The following C8orf34 variants were observed in gnomAD, a reference collection of about 807,000 sequenced individuals.
The protein encoded by C8orf34 is uncharacterized protein C8orf34.
C8orf34 carries 65 observed loss-of-function variants against 68.3 expected under a neutral mutation model. The ratio of observed to expected loss-of-function variants is 0.95; its 90% CI spans 0.78 to 1.17. C8orf34 has a LOEUF of 1.17. Among genes scored for constraint, C8orf34 ranks in the 50% most tolerant of loss-of-function variants. The pLI is 0.00. For synonymous variants in C8orf34, 244 were observed against 241.2 expected (o/e 1.01, Z -0.11); for missense variants, 664 against 655.4 (o/e 1.01, Z -0.14).
chr8:68,676,140 G>T (rs1820182817), intron 8 of C8orf34, among the ~76,000 whole-genome samples: 1 of 152,044 alleles, frequency 6.6e-6, no homozygotes, highest in South Asian at 2.1e-4. Context: ...TTTAAGACCA[G>T]GTGGGCAACA....
chr8:68,637,085 C>T (rs1291493557), intron 7 of C8orf34, among the ~76,000 whole-genome samples: 1 of 152,132 alleles, frequency 6.6e-6, no homozygotes, highest in South Asian at 2.1e-4. Context: ...CCAAGTATAG[C>T]AAGAAGTATC....
At chr8:68,367,935 A>T (rs1225313052) in intron 1 of C8orf34, among the ~76,000 whole-genome samples, 10 of 134,030 alleles carry the variant, frequency 7.5e-5, no homozygotes, top group Non-Finnish European at 1.5e-4. Context: ...AAAAAAAAAA[A>T]AAGAAAAAAG....
At chr8:68,733,894 T>C (rs748749884) in intron 10 of C8orf34, among the ~76,000 whole-genome samples, 1 of 152,156 alleles carries the variant, frequency 6.6e-6, no homozygotes, top group Non-Finnish European at 1.5e-5. Context: ...AGTAAGTAAA[T>C]ATCTCTCCAC....
intron 1 of C8orf34, among the ~76,000 whole-genome samples, chr8:68,360,762 T>C (rs1015183007): frequency 2.7e-5 from 4 of 148,758 alleles, no homozygotes; most frequent in African/African-American, 1.0e-4. Context: ...CTTTCTTTTT[T>C]TTTTTTTTTT....
intron 3 of C8orf34, among the ~76,000 whole-genome samples, chr8:68,462,541 G>A (rs1027173110): frequency 7.3e-5 from 11 of 151,600 alleles, no homozygotes; most frequent in African/African-American, 2.7e-4. Flanking sequence ...ATAGTTGGAA[G>A]TAAAGCTCTC....
intron 7 of C8orf34, among the ~76,000 whole-genome samples, chr8:68,551,359 T>A (rs1816064775): frequency 6.6e-6 from 1 of 152,066 alleles, no homozygotes; most frequent in Admixed American, 6.6e-5. Flanking sequence ...ATTTCTTTTT[T>A]AATTCTTTCT....
chr8:68,466,738 C>CATATATATTTATATATATATATATAT (rs1812155371), intron 3 of C8orf34, among the ~76,000 whole-genome samples: 1 of 120,628 alleles, frequency 8.3e-6, no homozygotes, highest in African/African-American at 3.7e-5. Flanking sequence ...CAACGTTGTA[C>CATATATATTTATATATATATATATAT]ATATATATAT....
chr8:68,798,397 G>C lies in C8orf34; in HGVS notation c.1549+10861G>C, dbSNP rs78010102. 7.8e-3 allele frequency among the ~76,000 whole-genome samples: 1,171 copies of C among 149,748 alleles called. 17 individuals carry two copies. The highest frequency in any genetic ancestry group is 0.028 in the African/African-American group (1,126 of 40,580). On this transcript the variant is annotated intron_variant, in intron 12 of 13. Transcript: ENST00000518698. ...CTGCAGCCTGGACCTTCCCAGGCTT[G>C]ATAATTTTTTAATCCTACATCTTCA...
rs567155942 is a variant in C8orf34, at chr8:68,406,177, C to T, written c.328-33322C>T. ...GAGAGGAAACAAATGGAAGGGCTTA[C>T]GGTAGACAGACAGTTGATCTGCTGG... On this transcript the variant is annotated intron_variant, in intron 1 of 13. Transcript: ENST00000518698. Among the ~76,000 whole-genome samples the T allele has an allele frequency of 3.1e-4, 47 of 152,250 alleles. 1 individual carries two copies. Among genetic ancestry groups the T allele is most frequent in the African/African-American group, 1.1e-3 (45 of 41,556 alleles).
intron 1 of C8orf34, among the ~76,000 whole-genome samples, chr8:68,423,642 G>A (rs1253604074): frequency 2.0e-5 from 3 of 151,938 alleles, no homozygotes; most frequent in Non-Finnish European, 4.4e-5. Context: ...TTCCAAAGTT[G>A]CTTCCACATT....
intron 7 of C8orf34, among the ~76,000 whole-genome samples, chr8:68,544,625 A>G (rs75270791): frequency 0.038 from 5,747 of 152,290 alleles, 158 homozygotes; most frequent in Non-Finnish European, 0.058. Context: ...AAAAGGAATT[A>G]TTGTACATAT....
intron 1 of C8orf34, among the ~76,000 whole-genome samples, chr8:68,350,096 A>G (rs923754925): frequency 6.6e-6 from 1 of 151,688 alleles, no homozygotes; most frequent in Non-Finnish European, 1.5e-5. Context: ...TTTGATGTGG[A>G]TATTTAGAGC....
chr8:68,775,154 C>G (rs1251591127), intron 10 of C8orf34, among the ~76,000 whole-genome samples: 1 of 151,608 alleles, frequency 6.6e-6, no homozygotes, highest in Non-Finnish European at 1.5e-5. Flanking sequence ...GGGCACTTCA[C>G]TCTACCCCTC....
chr8:68,808,224 T>G (rs762467707), intron 12 of C8orf34, among the ~76,000 whole-genome samples: 4 of 152,266 alleles, frequency 2.6e-5, no homozygotes, highest in Non-Finnish European at 5.9e-5. Flanking sequence ...CTATGCACTT[T>G]CAGTGAAATG....
intron 7 of C8orf34, among the ~76,000 whole-genome samples, chr8:68,627,898 A>G (rs1818583610): frequency 6.6e-6 from 1 of 152,218 alleles, no homozygotes; most frequent in Admixed American, 6.5e-5. Flanking sequence ...AAAGAAATTA[A>G]AAAGGAACTG....
chr8:68,335,784 A>G (rs1232131773), intron 1 of C8orf34, among the ~76,000 whole-genome samples: 1 of 152,216 alleles, frequency 6.6e-6, no homozygotes, highest in Non-Finnish European at 1.5e-5. Context: ...ATTTGAAAAA[A>G]GAAATAATAT....
chr8:68,685,838 C>G (rs1050762400), intron 8 of C8orf34, among the ~76,000 whole-genome samples: 1 of 151,522 alleles, frequency 6.6e-6, no homozygotes, highest in Non-Finnish European at 1.5e-5. Flanking sequence ...GATCATGCCA[C>G]TACACTCCAG....
chr8:68,790,837 TG>T (rs1369213951), intron 12 of C8orf34: 1 of 701,496 alleles, frequency 1.4e-6, no homozygotes, highest in Non-Finnish European at 2.6e-6. Flanking sequence ...AGAATCTCTG[TG>T]GCTGGGACTC....
At chr8:68,750,780 A>T (rs1041313540) in intron 10 of C8orf34, among the ~76,000 whole-genome samples, 1 of 152,132 alleles carries the variant, frequency 6.6e-6, no homozygotes, top group Non-Finnish European at 1.5e-5. Flanking sequence ...ATAGTTCCTG[A>T]ATTCAGTGTC....
Sources: allele counts gnomAD v4.1 joint callset (sites outside exome capture counted in the v4.1 genomes callset), GRCh38; gene constraint gnomAD v4.1.1; transcripts MANE v1.5; gene names NCBI Gene and HGNC (gene_info 2026-07-23, HGNC 2026-07-21).